The following CACNA1C variants were observed in gnomAD, a reference collection of about 807,000 sequenced individuals.
The protein encoded by CACNA1C is voltage-dependent L-type calcium channel subunit alpha-1C.
In CACNA1C, 30 loss-of-function variants were observed where a neutral mutation model predicts 229.0. The observed-to-expected ratio is 0.13, with a 90% confidence interval of 0.10 to 0.18. CACNA1C has a LOEUF of 0.18. CACNA1C is among the 10% of genes least tolerant of loss of function. The probability of loss-of-function intolerance (pLI) is 1.00; values close to 1 mark genes in which losing one functional copy is unlikely to be tolerated. For synonymous variants in CACNA1C, 1,114 were observed against 1,132.5 expected, an observed-to-expected ratio of 0.98 and a Z score of 0.33; for missense variants, 1,658 against 2,845.0, an observed-to-expected ratio of 0.58 and a Z score of 9.49.
intron 3 of CACNA1C, among the ~76,000 whole-genome samples, chr12:2,201,363 C>T (rs2239021): frequency 0.34 from 52,114 of 152,108 alleles, 9,388 homozygotes; most frequent in South Asian, 0.39. Flanking sequence ...AGCCCTAAAA[C>T]GCAGTATAAT....
intron 38 of CACNA1C, among the ~76,000 whole-genome samples, chr12:2,673,482 A>C (rs112828095): frequency 9.2e-5 from 14 of 151,936 alleles, no homozygotes; most frequent in Admixed American, 5.9e-4. Context: ...AAAAAAAAAA[A>C]AAGACACCCC....
chr12:2,106,663 C>T (rs2078850830), intron 1 of CACNA1C, among the ~76,000 whole-genome samples: 3 of 57,056 alleles, frequency 5.3e-5, no homozygotes, highest in African/African-American at 1.0e-4. Flanking sequence ...GGGTTTCCAC[C>T]TCAGCTGGGG....
intron 5 of CACNA1C, among the ~76,000 whole-genome samples, chr12:2,468,258 G>A (rs749642541): frequency 6.6e-6 from 1 of 152,250 alleles, no homozygotes; most frequent in Non-Finnish European, 1.5e-5. Flanking sequence ...ACACAGGAAC[G>A]TCACATGTGT....
chr12:2,595,855 T>C lies in CACNA1C; in HGVS notation c.2664-19T>C, dbSNP rs760046431. 1.7e-5 allele frequency: 27 copies of C among 1,611,044 alleles called. No individual in the cohort carries two copies. In the African/African-American group the frequency reaches 3.3e-4, roughly 20 times the overall value. The stretch of plus-strand genomic sequence containing the variant: ...GTCTGCCTTGACTTGTCTCTCCTCC[T>C]GTCCCCTCTCCCGTACAGGTTTCGC... On this transcript the variant is annotated intron_variant, in intron 19 of 46. Coordinates refer to ENST00000399655, the MANE Select transcript of CACNA1C (RefSeq NM_000719.7). This position sits in a 1 kb window ranked among gnomAD's most constrained non-coding sequence, Gnocchi z 4.1.
intron 3 of CACNA1C, among the ~76,000 whole-genome samples, chr12:2,172,557 T>G (rs539387188): frequency 5.8e-4 from 89 of 152,308 alleles, no homozygotes; most frequent in African/African-American, 2.1e-3. Context: ...TGTCCAAATA[T>G]CCTACATTAG....
At chr12:2,219,724 C>T (rs1272826887) in intron 3 of CACNA1C, among the ~76,000 whole-genome samples, 1 of 152,164 alleles carries the variant, frequency 6.6e-6, no homozygotes, top group African/African-American at 2.4e-5. Context: ...CTCTGTGGAG[C>T]ATCTGAAACC....
intron 3 of CACNA1C, among the ~76,000 whole-genome samples, chr12:2,282,273 G>T (rs1042987956): frequency 2.0e-5 from 3 of 152,122 alleles, no homozygotes; most frequent in Non-Finnish European, 4.4e-5. Context: ...CTGGATTAGG[G>T]TACATCCAAT....
At chr12:2,556,928 A>G in intron 10 of CACNA1C, 23 bp from the exon 11 acceptor site, 1 of 1,606,194 alleles carries the variant, frequency 6.2e-7, no homozygotes, top group Non-Finnish European at 8.5e-7. Flanking sequence ...ATCCTTTGGT[A>G]ACATTTCCTT....
chr12:2,095,014 A>G (rs1038509960), intron 1 of CACNA1C, among the ~76,000 whole-genome samples: 3 of 152,212 alleles, frequency 2.0e-5, no homozygotes, highest in Non-Finnish European at 4.4e-5. Context: ...CTCTTGTCAC[A>G]ACTCAGAGAT....
At chr12:2,113,215 G>A (rs1184808324) in intron 1 of CACNA1C, among the ~76,000 whole-genome samples, 1 of 152,208 alleles carries the variant, frequency 6.6e-6, no homozygotes, top group Non-Finnish European at 1.5e-5. Flanking sequence ...GAGGTTGCTC[G>A]GGCTCTGCCT....
intron 3 of CACNA1C, among the ~76,000 whole-genome samples, chr12:2,251,250 A>C (rs1461006221): frequency 6.6e-6 from 1 of 152,156 alleles, no homozygotes; most frequent in Non-Finnish European, 1.5e-5. Context: ...AGGGAAGCTG[A>C]GTTGCTGCTG....
chr12:2,663,856 C>T (rs2095909333), intron 34 of CACNA1C, among the ~76,000 whole-genome samples: 1 of 151,020 alleles, frequency 6.6e-6, no homozygotes, highest in East Asian at 2.0e-4. Context: ...ATTCTCCTGC[C>T]TCAGCTTCCC....
rs79195534 is a variant in CACNA1C, at chr12:2,513,318, G to A, written c.1390+334G>A. On this transcript the variant is annotated intron_variant, in intron 9 of 46. Transcript: ENST00000399655. ...CTTTGGGCAGGGGCACAGGCTTCCC[G>A]TTTGAAAGCGCAGGCTTGTTTAAAA... Among the ~76,000 whole-genome samples, 330 of 152,344 alleles carry A rather than the reference G, an allele frequency of 2.2e-3. 9 individuals carry two copies. In the East Asian group the frequency reaches 0.046, roughly 21 times the overall value.
At chr12:2,063,510 T>A (rs2058289701) in intron 1 of CACNA1C, among the ~76,000 whole-genome samples, 1 of 152,186 alleles carries the variant, frequency 6.6e-6, no homozygotes, top group African/African-American at 2.4e-5. Context: ...ATAACATATC[T>A]CACAAATTTC....
In CACNA1C at chr12:2,488,534, A is replaced by G. The variant is rs2099705735; in HGVS notation, c.916+2272A>G. On this transcript the variant is annotated intron_variant, in intron 6 of 46. Transcript: ENST00000399655. This position sits in a 1 kb window ranked among gnomAD's most constrained non-coding sequence, Gnocchi z 4.0. ...TTTAGGATCACATTGTCCACCCTTG[A>G]TAGTAAACAGGACCAGGAAAAGTGC... is the stretch of plus-strand genomic sequence containing the variant. Among the ~76,000 whole-genome samples, 1 of 152,212 alleles carries G rather than the reference A, an allele frequency of 6.6e-6. No homozygotes were observed. The highest frequency in any genetic ancestry group is 2.4e-5 in the African/African-American group (1 of 41,462).
intron 3 of CACNA1C, among the ~76,000 whole-genome samples, chr12:2,256,287 C>G (rs910189340): frequency 6.6e-6 from 1 of 152,172 alleles, no homozygotes; most frequent in Non-Finnish European, 1.5e-5. Flanking sequence ...ACTTCTCCAT[C>G]AATGCATGGG....
chr12:2,086,570 A>G (rs1013135731), intron 1 of CACNA1C, among the ~76,000 whole-genome samples: 24 of 152,188 alleles, frequency 1.6e-4, no homozygotes, highest in African/African-American at 4.6e-4. Context: ...CACTGGCTTG[A>G]TGCAATACGA....
At chr12:2,124,634 C>A (rs1418133340) in intron 3 of CACNA1C, among the ~76,000 whole-genome samples, 2 of 152,100 alleles carry the variant, frequency 1.3e-5, no homozygotes, top group African/African-American at 4.8e-5. Flanking sequence ...AGAAAGCTTG[C>A]CAGAGTCCAG....
intron 3 of CACNA1C, 72 bp from the exon 4 acceptor site, chr12:2,448,904 T>C: frequency 7.6e-7 from 1 of 1,308,032 alleles, no homozygotes; most frequent in Non-Finnish European, 1.1e-6. Context: ...TTGTGAGATC[T>C]ACTGGTTCCA....
Sources: allele counts gnomAD v4.1 joint callset (sites outside exome capture counted in the v4.1 genomes callset), GRCh38; gene constraint gnomAD v4.1.1; non-coding constraint Gnocchi (gnomAD v3.1); transcripts MANE v1.5; gene names NCBI Gene and HGNC (gene_info 2026-07-23, HGNC 2026-07-21).